GRIA4: variants seen among roughly 807,000 people sequenced by gnomAD.
The protein encoded by GRIA4 is glutamate receptor 4.
Under a neutral mutation model 104.0 loss-of-function variants are expected in GRIA4, and 34 were observed. The observed-to-expected ratio is 0.33, with a 90% CI of 0.25 to 0.44. GRIA4 has a LOEUF of 0.44. Ranked by LOEUF, GRIA4 falls within the 20% of genes least tolerant of loss-of-function variation. GRIA4 has a pLI of 1.00. For synonymous variants in GRIA4, 386 were observed against 381.9 expected, an observed-to-expected ratio of 1.01 and a Z score of -0.13; for missense variants, 750 against 1,096.5, an observed-to-expected ratio of 0.68 and a Z score of 4.46.
chr11:105,646,043 G>T (rs993922014), intron 3 of GRIA4, among the ~76,000 whole-genome samples: 1 of 152,172 alleles, frequency 6.6e-6, no homozygotes, highest in African/African-American at 2.4e-5. Flanking sequence ...ATTAATATTA[G>T]CTAAGAGATG....
chr11:105,672,204 T>C (rs1952396784), intron 3 of GRIA4, among the ~76,000 whole-genome samples: 1 of 152,174 alleles, frequency 6.6e-6, no homozygotes, highest in Non-Finnish European at 1.5e-5. Context: ...CATTTCAGGA[T>C]TGCATTCAAT....
intron 3 of GRIA4, among the ~76,000 whole-genome samples, chr11:105,623,055 A>G (rs1337728147): frequency 6.8e-3 from 28 of 4,090 alleles, no homozygotes; most frequent in Admixed American, 0.021. Flanking sequence ...ATTCCATTGT[A>G]TATATATATA....
chr11:105,947,159 T>C (rs978721040), intron 14 of GRIA4, among the ~76,000 whole-genome samples: 1 of 152,218 alleles, frequency 6.6e-6, no homozygotes, highest in African/African-American at 2.4e-5. Flanking sequence ...ATAATGGTCA[T>C]CAAATCCAGA....
intron 3 of GRIA4, among the ~76,000 whole-genome samples, chr11:105,746,685 T>C (rs1939680181): frequency 6.6e-6 from 1 of 152,114 alleles, no homozygotes; most frequent in African/African-American, 2.4e-5. Flanking sequence ...GCATAATTAT[T>C]AAGAACAATT....
intron 4 of GRIA4, among the ~76,000 whole-genome samples, chr11:105,843,428 C>T (rs187841528): frequency 3.3e-5 from 5 of 152,268 alleles, no homozygotes; most frequent in Admixed American, 6.5e-5. Context: ...TTATTAGAGC[C>T]TATCTTTGAA....
intron 3 of GRIA4, among the ~76,000 whole-genome samples, chr11:105,739,654 C>A (rs1279005001): frequency 6.6e-6 from 1 of 152,078 alleles, no homozygotes; most frequent in Non-Finnish European, 1.5e-5. Flanking sequence ...TTAATGAATT[C>A]TGGGCCCAGC....
At chr11:105,968,852 G>A (rs1858534138) in intron 14 of GRIA4, among the ~76,000 whole-genome samples, 1 of 152,098 alleles carries the variant, frequency 6.6e-6, no homozygotes, top group Non-Finnish European at 1.5e-5. Context: ...ACCTAGTATG[G>A]TTTAGTCAAA....
intron 14 of GRIA4, among the ~76,000 whole-genome samples, chr11:105,934,311 A>G (rs1947969033): frequency 6.6e-6 from 1 of 152,066 alleles, no homozygotes; most frequent in South Asian, 2.1e-4. Context: ...GTCAGTGATA[A>G]TTCTACATTT....
rs759055718 is a variant in GRIA4 at position 105,862,180 on chromosome 11, T to C, written c.644T>C (p.Ile215Thr). 1.6e-5 allele frequency: 26 copies of C among 1,598,552 alleles called. No individual in the cohort carries two copies. The East Asian group carries it at 2.7e-4, about 16-fold the overall frequency. ...QEKKFVIDCEIERLQNILEQI... is the reference protein window; with the variant it reads ...QEKKFVIDCETERLQNILEQI... ...AAGAAGTTTGTAATAGACTGTGAGA[T>C]AGAGAGACTTCAAAACATATTAGAA... The change falls in exon 5 of 17, where the codon ATA becomes ACA. Residue 215 changes from isoleucine (I) to threonine (T), a missense_variant. Ile to Thr is a moderately conservative substitution (Grantham distance 89, BLOSUM62 -1). This residue lies in a region of GRIA4 where 410 missense variants were observed against 502.7 expected (regional missense o/e 0.82). Coordinates refer to ENST00000282499, the MANE Select transcript of GRIA4 (RefSeq NM_000829.4).
intron 4 of GRIA4, among the ~76,000 whole-genome samples, chr11:105,818,464 C>T (rs531551018): frequency 2.6e-5 from 4 of 152,234 alleles, no homozygotes; most frequent in East Asian, 1.9e-4. Flanking sequence ...AGGTAAAGAA[C>T]GAATCTTCAT....
intron 3 of GRIA4, among the ~76,000 whole-genome samples, chr11:105,662,640 C>A (rs1460002938): frequency 6.6e-6 from 1 of 151,898 alleles, no homozygotes; most frequent in Non-Finnish European, 1.5e-5. Flanking sequence ...TTTACTCATT[C>A]TTTACTCATT....
intron 3 of GRIA4, among the ~76,000 whole-genome samples, chr11:105,687,730 G>C (rs1238265241): frequency 6.6e-6 from 1 of 152,124 alleles, no homozygotes; most frequent in Non-Finnish European, 1.5e-5. Context: ...GCAGATGCGG[G>C]GCTCTTAGTA....
intron 6 of GRIA4, 80 bp downstream of exon 6, chr11:105,887,652 T>C: frequency 1.4e-6 from 1 of 735,492 alleles, no homozygotes. Context: ...TAAATAATGC[T>C]TCAATAAATA....
At chr11:105,900,831 C>G (rs774413155) in intron 7 of GRIA4, among the ~76,000 whole-genome samples, 43 of 152,266 alleles carry the variant, frequency 2.8e-4, no homozygotes, top group Non-Finnish European at 4.1e-4. Flanking sequence ...CTCAAGTGAT[C>G]TGTCCCAAAG....
At chr11:105,789,523 C>T (rs752311177) in intron 4 of GRIA4, among the ~76,000 whole-genome samples, 2 of 152,092 alleles carry the variant, frequency 1.3e-5, no homozygotes, top group Non-Finnish European at 2.9e-5. Context: ...GTATGTCCTC[C>T]CGCCCCTCCT....
chr11:105,781,529 T>G (rs1941726563), intron 4 of GRIA4, among the ~76,000 whole-genome samples: 1 of 152,170 alleles, frequency 6.6e-6, no homozygotes, highest in African/African-American at 2.4e-5. Flanking sequence ...ATTCACAATT[T>G]CTGGGGTACA....
intron 5 of GRIA4, among the ~76,000 whole-genome samples, chr11:105,867,935 C>G (rs1035419398): frequency 5.3e-5 from 8 of 152,308 alleles, no homozygotes; most frequent in Admixed American, 2.6e-4. Flanking sequence ...TACATTCATT[C>G]AACGTCTGCA....
At chr11:105,758,051 C>T (rs1291482236) in intron 4 of GRIA4, among the ~76,000 whole-genome samples, 1 of 152,036 alleles carries the variant, frequency 6.6e-6, no homozygotes, top group African/African-American at 2.4e-5. Flanking sequence ...TAGGACTAAC[C>T]TGGACATCAT....
chr11:105,719,911 C>A (rs572482098), intron 3 of GRIA4, among the ~76,000 whole-genome samples: 1 of 152,202 alleles, frequency 6.6e-6, no homozygotes, highest in African/African-American at 2.4e-5. Context: ...CATTTGCTCA[C>A]ATTACTGTAA....
Sources: allele counts gnomAD v4.1 joint callset (sites outside exome capture counted in the v4.1 genomes callset), GRCh38; gene constraint gnomAD v4.1.1; regional missense constraint gnomAD v4.1.1; transcripts MANE v1.5; gene names NCBI Gene and HGNC (gene_info 2026-07-23, HGNC 2026-07-21).